Variants in ERBIN observed in about 807,000 individuals in gnomAD.
ERBIN encodes the protein erbb2 interacting protein, also known as densin-180-like protein.
A neutral mutation model predicts 158.4 loss-of-function variants in ERBIN; 60 were observed. The ratio of observed to expected loss-of-function variants is 0.38; its 90% CI spans 0.31 to 0.47. The LOEUF (loss-of-function observed/expected upper bound fraction) is 0.47. ERBIN is among the 20% of genes least tolerant of loss of function. The pLI, the probability that ERBIN is intolerant of heterozygous loss-of-function variation, is 0.99. For missense variants in ERBIN, 1,610 were observed against 1,648.0 expected (o/e 0.98, Z 0.40); for synonymous variants, 594 against 557.2 (o/e 1.07, Z -0.93).
chr5:66,021,578 A>G (rs1366383111), intron 8 of ERBIN, among the ~76,000 whole-genome samples, 193 bp downstream of exon 8: 1 of 152,104 alleles, frequency 6.6e-6, no homozygotes, highest in Non-Finnish European at 1.5e-5. Context: ...TTCTGACCAC[A>G]AGTGAGCATA....
At chr5:65,945,338 CTG>C (rs1183477733) in intron 1 of ERBIN, among the ~76,000 whole-genome samples, 2 of 152,294 alleles carry the variant, frequency 1.3e-5, no homozygotes, top group East Asian at 3.9e-4. Flanking sequence ...ATCTCTTTAT[CTG>C]TTTCTTCATT....
chr5:65,959,817 A>AT (rs1186731174), intron 1 of ERBIN, among the ~76,000 whole-genome samples: 1 of 152,154 alleles, frequency 6.6e-6, no homozygotes, highest in African/African-American at 2.4e-5. Flanking sequence ...AAGCAACATG[A>AT]TTTTTTCTTG....
rs544655772 is a variant in ERBIN at position 66,054,656 on chromosome 5, C to T, written c.3338C>T (p.Ala1113Val). 7.4e-6 allele frequency: 12 copies of T among 1,614,008 alleles called. No individual in the cohort carries two copies. Among genetic ancestry groups the T allele is most frequent in the Admixed American group, 3.3e-5 (2 of 60,008 alleles). ...DYLSYREFHSAGRTPPMMPGS... is the reference protein window; with the variant it reads ...DYLSYREFHSVGRTPPMMPGS... Reference sequence around the variant, plus strand: ...TTATCATACAGAGAGTTCCACTCAGCGGGAAGAACTCCTCCAATGATGCCA... The same window carrying T: ...TTATCATACAGAGAGTTCCACTCAGTGGGAAGAACTCCTCCAATGATGCCA... Residue 1113 changes from alanine (A) to valine (V), a missense_variant, in exon 21 of 26, where the codon GCG becomes GTG. Around this residue, in one of 2 missense-constraint regions of ERBIN, gnomAD observed 1,014 missense variants for 936.1 expected, o/e 1.08. Transcript: ENST00000284037.
intron 1 of ERBIN, among the ~76,000 whole-genome samples, chr5:65,971,954 C>G (rs140116722): frequency 6.6e-6 from 1 of 152,332 alleles, no homozygotes; most frequent in East Asian, 1.9e-4. Context: ...AACAGGGCTT[C>G]TATGTTGTGC....
chr5:66,012,963 G>A (rs1015786969), intron 5 of ERBIN, among the ~76,000 whole-genome samples: 1 of 152,162 alleles, frequency 6.6e-6, no homozygotes, highest in African/African-American at 2.4e-5. Flanking sequence ...ATCTAAACCA[G>A]TGGTTCTCAA....
At chr5:65,940,950 CTT>C (rs1580089168) in intron 1 of ERBIN, among the ~76,000 whole-genome samples, 2 of 151,954 alleles carry the variant, frequency 1.3e-5, no homozygotes, top group East Asian at 3.9e-4. Flanking sequence ...ACACGGGAGA[CTT>C]TTCATTTTGT....
intron 21 of ERBIN, among the ~76,000 whole-genome samples, chr5:66,068,303 C>T (rs1761204915): frequency 6.6e-6 from 1 of 151,594 alleles, no homozygotes; most frequent in Non-Finnish European, 1.5e-5. Context: ...TGCTATTGTA[C>T]TCCGGACTGG....
At chr5:65,949,324 T>G (rs1477991569) in intron 1 of ERBIN, among the ~76,000 whole-genome samples, 2 of 152,156 alleles carry the variant, frequency 1.3e-5, no homozygotes, top group Non-Finnish European at 2.9e-5. Context: ...ACCAGTCACA[T>G]CTGTGCTATA....
chr5:65,940,357 C>T (rs1424342282), intron 1 of ERBIN, among the ~76,000 whole-genome samples: 3 of 148,606 alleles, frequency 2.0e-5, no homozygotes, highest in African/African-American at 7.7e-5. Context: ...CCGGCAGCCA[C>T]CCCGTCTGGG....
intron 4 of ERBIN, among the ~76,000 whole-genome samples, chr5:66,010,491 T>G (rs1191974433): frequency 1.3e-5 from 2 of 152,182 alleles, no homozygotes; most frequent in Non-Finnish European, 2.9e-5. Context: ...GAGTCTCTAT[T>G]AATACCCTGT....
intron 4 of ERBIN, among the ~76,000 whole-genome samples, chr5:66,006,079 C>T (rs549959895): frequency 3.4e-4 from 52 of 152,216 alleles, no homozygotes; most frequent in Non-Finnish European, 4.3e-4. Context: ...GAGCCCGCAT[C>T]GCCAAGTCAA....
intron 1 of ERBIN, among the ~76,000 whole-genome samples, chr5:65,939,536 C>T (rs565765426): frequency 7.5e-5 from 11 of 147,592 alleles, no homozygotes; most frequent in Non-Finnish European, 1.5e-4. Context: ...CCCTCTCCCC[C>T]CTCTCCCTCT....
intron 1 of ERBIN, among the ~76,000 whole-genome samples, chr5:65,934,956 A>G (rs1743904419): frequency 6.6e-6 from 1 of 152,066 alleles, no homozygotes; most frequent in Non-Finnish European, 1.5e-5. Flanking sequence ...TTTTAGCACA[A>G]TTAGATGTTC....
chr5:65,981,535 G>A (rs761132013), intron 1 of ERBIN, among the ~76,000 whole-genome samples: 2 of 151,974 alleles, frequency 1.3e-5, no homozygotes, highest in Non-Finnish European at 1.5e-5. Flanking sequence ...AAAAAAATCC[G>A]CAGATTACTG....
chr5:66,026,984 T>G (rs1756324242), intron 13 of ERBIN, among the ~76,000 whole-genome samples: 1 of 152,022 alleles, frequency 6.6e-6, no homozygotes, highest in African/African-American at 2.4e-5. Flanking sequence ...CAGAGTAAAT[T>G]GATCACTAGG....
chr5:66,012,865 G>C (rs1754355087), intron 5 of ERBIN, among the ~76,000 whole-genome samples: 1 of 152,150 alleles, frequency 6.6e-6, no homozygotes, highest in South Asian at 2.1e-4. Context: ...ACGTCATTCA[G>C]CTTTAAATGT....
chr5:65,997,679 A>T lies in ERBIN; in HGVS notation c.307+2815A>T, dbSNP rs1752579531. On this transcript the variant is annotated intron_variant, in intron 4 of 25. Coordinates refer to ENST00000284037, the MANE Select transcript of ERBIN (RefSeq NM_001253697.2). ...ACTTCTTAATAAGAATTGGGGAAAA[A>T]ACTTTATAAACAAGTCCCACCAAGT... Among the ~76,000 whole-genome samples, 2 of 152,148 alleles carry T rather than the reference A, an allele frequency of 1.3e-5. 1 individual carries two copies. Among genetic ancestry groups the T allele is most frequent in the South Asian group, 4.1e-4 (2 of 4,836 alleles).
chr5:66,052,906 T>C (rs1321944532), intron 20 of ERBIN, among the ~76,000 whole-genome samples: 1 of 152,206 alleles, frequency 6.6e-6, no homozygotes, highest in African/African-American at 2.4e-5. Context: ...CCTATATATT[T>C]GAATGTAATA....
chr5:66,070,579 G>C (rs1363611963), intron 21 of ERBIN, among the ~76,000 whole-genome samples: 3 of 151,916 alleles, frequency 2.0e-5, no homozygotes, highest in African/African-American at 7.3e-5. Flanking sequence ...TTCATGGTGT[G>C]CTTGTTCTTT....
Sources: allele counts gnomAD v4.1 joint callset (sites outside exome capture counted in the v4.1 genomes callset), GRCh38; gene constraint gnomAD v4.1.1; regional missense constraint gnomAD v4.1.1; transcripts MANE v1.5; gene names NCBI Gene and HGNC (gene_info 2026-07-23, HGNC 2026-07-21).